TBX20: variants seen among roughly 807,000 people sequenced by gnomAD.
The protein encoded by TBX20 is T-box transcription factor TBX20.
Under a neutral mutation model 42.9 loss-of-function variants are expected in TBX20, and 8 were observed. The ratio of observed to expected loss-of-function variants is 0.19; its 90% CI spans 0.11 to 0.34. The LOEUF is 0.34. Among genes scored for constraint, TBX20 ranks in the 10% least tolerant of loss-of-function variants. The probability of loss-of-function intolerance (pLI) is 1.00; values close to 1 mark genes in which losing one functional copy is unlikely to be tolerated. For missense variants in TBX20, 411 were observed against 566.0 expected (o/e 0.73, Z 2.78); for synonymous variants, 198 against 222.8 (o/e 0.89, Z 0.99).
chr7:35,219,168 T>C (rs889612005), intron 6 of TBX20, among the ~76,000 whole-genome samples: 2 of 152,162 alleles, frequency 1.3e-5, no homozygotes, highest in Non-Finnish European at 2.9e-5. Context: ...CCTAGTCTGC[T>C]CTGTGACTCC....
At chr7:35,243,026 G>A (rs1790113324) in intron 4 of TBX20, among the ~76,000 whole-genome samples, 1 of 152,100 alleles carries the variant, frequency 6.6e-6, no homozygotes, top group Non-Finnish European at 1.5e-5. Flanking sequence ...CACCCAGGCT[G>A]AATTGCAGTG....
chr7:35,228,701 G>C (rs189368755), intron 6 of TBX20, among the ~76,000 whole-genome samples: 16 of 152,200 alleles, frequency 1.1e-4, no homozygotes, highest in African/African-American at 3.6e-4. Flanking sequence ...CTGAATGACT[G>C]TCTAAAGCTT....
intron 6 of TBX20, among the ~76,000 whole-genome samples, chr7:35,212,499 T>C (rs933695641): frequency 7.9e-5 from 12 of 152,220 alleles, no homozygotes; most frequent in African/African-American, 2.9e-4. Flanking sequence ...CTGAATATGT[T>C]TGTATTCTAT....
intron 4 of TBX20, among the ~76,000 whole-genome samples, chr7:35,243,068 C>T (rs778600375): frequency 2.2e-4 from 33 of 152,124 alleles, no homozygotes; most frequent in Non-Finnish European, 4.1e-4. Flanking sequence ...GCCTCGACCT[C>T]CCAGGCTCAA....
chr7:35,243,367 C>A (rs1790119153), intron 4 of TBX20, among the ~76,000 whole-genome samples: 1 of 152,154 alleles, frequency 6.6e-6, no homozygotes, highest in Admixed American at 6.6e-5. Flanking sequence ...TTGGTATAAT[C>A]AGGCTAGACC....
chr7:35,222,358 C>T (rs1789697864), intron 6 of TBX20, among the ~76,000 whole-genome samples: 1 of 151,964 alleles, frequency 6.6e-6, no homozygotes, highest in African/African-American at 2.4e-5. Flanking sequence ...TAACAAAAGA[C>T]AGAAAAAGAT....
chr7:35,253,777 G>T lies in TBX20; in HGVS notation c.-157C>A. On this transcript the variant is annotated 5_prime_UTR_variant, in exon 1 of 8. Coordinates refer to ENST00000408931, the MANE Select transcript of TBX20 (RefSeq NM_001077653.2). ...AAGTGTCAGCTCCAACGACTCCAGA[G>T]CTGCACACTGGCCTCTATTCCCCAC... The T allele has an allele frequency of 1.1e-6, 1 of 875,558 alleles. No homozygotes were observed. The highest frequency in any genetic ancestry group is 1.7e-6 in the Non-Finnish European group (1 of 580,880). 54.2% of individuals were successfully genotyped at this position (875,558 alleles called of 1,614,324 possible). A position where few individuals can be genotyped will look rare whatever the true frequency, so the allele number is the denominator to read the frequency against.
At chr7:35,215,272 G>C (rs1789564578) in intron 6 of TBX20, among the ~76,000 whole-genome samples, 1 of 152,170 alleles carries the variant, frequency 6.6e-6, no homozygotes, top group Non-Finnish European at 1.5e-5. Context: ...TTATATAAAG[G>C]ATGGCATAAT....
chr7:35,253,461 G>C, intron 1 of TBX20, 33 bp downstream of exon 1: 2 of 1,597,702 alleles, frequency 1.3e-6, no homozygotes, highest in East Asian at 2.3e-5. Flanking sequence ...AGCATCCCCA[G>C]TCCTCGGCGG....
At chr7:35,250,297 A>T in intron 1 of TBX20, 94 bp from the exon 2 acceptor site, 1 of 1,503,468 alleles carries the variant, frequency 6.7e-7, no homozygotes. Context: ...CTTGGATTTG[A>T]CTCAGGAAAA....
chr7:35,221,509 C>A (rs1270493002), intron 6 of TBX20, among the ~76,000 whole-genome samples: 5 of 152,052 alleles, frequency 3.3e-5, no homozygotes. Context: ...AAGTAAGTTT[C>A]CAACAAAGAA....
intron 6 of TBX20, among the ~76,000 whole-genome samples, chr7:35,216,598 T>G (rs1789595443): frequency 6.6e-6 from 1 of 152,228 alleles, no homozygotes; most frequent in Non-Finnish European, 1.5e-5. Flanking sequence ...TATTGAGCAT[T>G]GAGATTATGT....
At chr7:35,240,052 A>G (rs1790045789) in intron 5 of TBX20, among the ~76,000 whole-genome samples, 1 of 152,150 alleles carries the variant, frequency 6.6e-6, no homozygotes, top group Admixed American at 6.5e-5. Flanking sequence ...ACCTGGCCAA[A>G]AATGCATTAA....
chr7:35,250,281 T>C, intron 1 of TBX20, 78 bp from the exon 2 acceptor site: 2 of 1,545,308 alleles, frequency 1.3e-6, no homozygotes, highest in Non-Finnish European at 8.8e-7. Context: ...CATAACCAAA[T>C]GGTCACTTGG....
At chr7:35,211,760 T>C (rs1406376864) in intron 6 of TBX20, among the ~76,000 whole-genome samples, 1 of 152,192 alleles carries the variant, frequency 6.6e-6, no homozygotes, top group Non-Finnish European at 1.5e-5. Context: ...CTTCACTGTC[T>C]CCTAATTTAC....
At chr7:35,224,597 G>A (rs10275233) in intron 6 of TBX20, among the ~76,000 whole-genome samples, 50,684 of 148,702 alleles carry the variant, frequency 0.34, 6,244 homozygotes, top group Middle Eastern at 0.44. Flanking sequence ...GCTTGAACCT[G>A]GGAGGTGGAG....
chr7:35,249,932 A>G lies in TBX20; in HGVS notation c.380+19T>C, dbSNP rs1790271312. 1 of 1,580,080 alleles carries G rather than the reference A, an allele frequency of 6.3e-7. No homozygotes were observed. The highest frequency in any genetic ancestry group is 1.2e-5 in the South Asian group (1 of 85,958). On this transcript the variant is annotated intron_variant, in intron 2 of 7. Transcript: ENST00000408931. The surrounding 1 kb of genome is among the most constrained non-coding windows in gnomAD (Gnocchi z 4.3). ...CCTGACTCTCCACCCCCAACCCCCA[A>G]CCCCCAAGTCCCAACTACCTGCCCG...
At chr7:35,205,527 G>A (rs1308907575) in intron 6 of TBX20, among the ~76,000 whole-genome samples, 2 of 152,116 alleles carry the variant, frequency 1.3e-5, no homozygotes, top group African/African-American at 4.8e-5. Flanking sequence ...AATGAGGAAG[G>A]ACAACCAAAC....
In TBX20 at chr7:35,253,718, C is replaced by T. The variant is rs1584361883; in HGVS notation, c.-98G>A. ...AGACCCGAAACACAGCTCAAAGTTT[C>T]CGAGAGCAGTCACAGCGGGGCCAGG... On this transcript the variant is annotated 5_prime_UTR_variant, in exon 1 of 8. Transcript: ENST00000408931. The T allele has an allele frequency of 6.6e-7, 1 of 1,514,616 alleles. No individual in the cohort carries two copies. The highest frequency in any genetic ancestry group is 8.9e-7 in the Non-Finnish European group (1 of 1,127,926). 93.8% of individuals were successfully genotyped at this position (1,514,616 alleles called of 1,614,324 possible).
Sources: gnomAD v4.1 joint callset for allele counts (sites outside exome capture counted in the v4.1 genomes callset) on GRCh38, gnomAD v4.1.1 for gene constraint, Gnocchi (gnomAD v3.1) non-coding constraint, MANE v1.5 for transcripts, NCBI Gene and HGNC (gene_info 2026-07-23, HGNC 2026-07-21) for gene names.